The following EYS variants were observed in gnomAD, a reference collection of about 807,000 sequenced individuals.
EYS encodes EGF-like photoreceptor maintenance factor, also known as protein eyes shut homolog.
EYS carries 250 observed loss-of-function variants against 282.1 expected under a neutral mutation model. The observed-to-expected ratio is 0.89, with a 90% CI of 0.80 to 0.98. The LOEUF is 0.98. EYS is among the 50% of genes least tolerant of loss of function. The probability of loss-of-function intolerance (pLI) is 0.00; values close to 1 mark genes in which losing one functional copy is unlikely to be tolerated. For missense variants in EYS, 4,016 were observed against 3,709.0 expected, an observed-to-expected ratio of 1.08 and a Z score of -2.15; for synonymous variants, 1,355 against 1,282.9, an observed-to-expected ratio of 1.06 and a Z score of -1.20.
At chr6:64,822,851 G>T (rs1764941572) in intron 19 of EYS, 29 bp from the exon 20 acceptor site, 1 of 1,526,058 alleles carries the variant, frequency 6.6e-7, no homozygotes, top group Non-Finnish European at 8.8e-7. Flanking sequence ...GGCAAAACAT[G>T]AAACCATTTA....
Position 63,785,372 on chromosome 6 carries a change from A to G in EYS, c.7723+2733T>C, listed in dbSNP as rs191093603. The stretch of plus-strand genomic sequence containing the variant: ...CCTTATTCCTCCTTTCCCTTCTTCC[A>G]TATCTTCTTGTCTTCCTTCCTTCAT... On this transcript the variant is annotated intron_variant, in intron 39 of 42. Coordinates refer to ENST00000503581, the MANE Select transcript of EYS (RefSeq NM_001142800.2). Among the ~76,000 whole-genome samples the G allele has an allele frequency of 6.0e-4, 91 of 152,142 alleles. 1 individual carries two copies. The highest frequency in any genetic ancestry group is 2.1e-3 in the African/African-American group (87 of 41,502).
chr6:64,383,913 C>T (rs1190111267), intron 29 of EYS, among the ~76,000 whole-genome samples: 1 of 152,102 alleles, frequency 6.6e-6, no homozygotes, highest in Non-Finnish European at 1.5e-5. Flanking sequence ...ATATCATAAA[C>T]ACATTTAGTG....
intron 12 of EYS, among the ~76,000 whole-genome samples, chr6:65,274,797 G>A (rs1363787983): frequency 2.0e-5 from 3 of 152,022 alleles, no homozygotes; most frequent in Admixed American, 6.6e-5. Context: ...CAGAAAATCA[G>A]GGGACTTCTA....
intron 33 of EYS, among the ~76,000 whole-genome samples, chr6:64,045,910 T>TG (rs199884451): frequency 2.0e-5 from 3 of 147,006 alleles, no homozygotes; most frequent in Non-Finnish European, 3.0e-5. Flanking sequence ...TACATATATG[T>TG]TTATTATATA....
chr6:65,405,797 AT>A (rs1306454376), intron 5 of EYS, among the ~76,000 whole-genome samples: 6 of 152,092 alleles, frequency 3.9e-5, no homozygotes, highest in African/African-American at 1.4e-4. Context: ...CTAAAGAGTA[AT>A]TCACAATATA....
chr6:65,417,773 G>A (rs774012502), intron 5 of EYS, among the ~76,000 whole-genome samples: 1 of 151,926 alleles, frequency 6.6e-6, no homozygotes, highest in Non-Finnish European at 1.5e-5. Context: ...TATAAGCAAG[G>A]TGACTGAGGC....
intron 15 of EYS, among the ~76,000 whole-genome samples, chr6:64,915,695 T>C (rs1490278207): frequency 3.9e-5 from 6 of 152,316 alleles, no homozygotes; most frequent in Admixed American, 3.9e-4. Flanking sequence ...TAGTACTTCT[T>C]TTTAATGTTT....
chr6:63,758,312 CATT>C (rs1372214465), intron 41 of EYS, among the ~76,000 whole-genome samples: 1 of 152,132 alleles, frequency 6.6e-6, no homozygotes, highest in African/African-American at 2.4e-5. Context: ...ATATAGAAAA[CATT>C]ATCTTTTTAA....
At chr6:64,954,228 C>A (rs1045429443) in intron 14 of EYS, among the ~76,000 whole-genome samples, 1 of 151,078 alleles carries the variant, frequency 6.6e-6, no homozygotes, top group African/African-American at 2.4e-5. Context: ...CTTCATAAAC[C>A]ATTTGTGATC....
intron 30 of EYS, among the ~76,000 whole-genome samples, chr6:64,263,040 G>A (rs987039): frequency 0.67 from 101,570 of 151,560 alleles, 34,075 homozygotes; most frequent in South Asian, 0.71. Flanking sequence ...AAGCTTTCAT[G>A]ACCTCTCCTT....
intron 28 of EYS, among the ~76,000 whole-genome samples, chr6:64,421,102 T>A (rs1417403589): frequency 6.6e-6 from 1 of 152,156 alleles, no homozygotes; most frequent in Non-Finnish European, 1.5e-5. Flanking sequence ...AGACTGAGTA[T>A]TTATAAATGA....
chr6:64,064,273 T>C (rs2149854073), intron 33 of EYS, among the ~76,000 whole-genome samples: 1 of 152,274 alleles, frequency 6.6e-6, no homozygotes, highest in Non-Finnish European at 1.5e-5. Context: ...AGTAGCTTAG[T>C]ATAGTGCTAC....
chr6:65,583,278 G>T (rs746105299), intron 2 of EYS, among the ~76,000 whole-genome samples: 1 of 151,874 alleles, frequency 6.6e-6, no homozygotes, highest in Admixed American at 6.6e-5. Context: ...CTAATTTGCC[G>T]TAAGAAGAAT....
At chr6:64,598,615 A>T (rs1419944599) in intron 24 of EYS, among the ~76,000 whole-genome samples, 1 of 152,244 alleles carries the variant, frequency 6.6e-6, no homozygotes, top group Non-Finnish European at 1.5e-5. Flanking sequence ...GCTTTATGAG[A>T]ATATGGTCAT....
At chr6:65,224,743 A>T (rs577115395) in intron 12 of EYS, among the ~76,000 whole-genome samples, 7 of 152,304 alleles carry the variant, frequency 4.6e-5, no homozygotes, top group South Asian at 2.1e-4. Context: ...TTTAACAGAA[A>T]TAAAAGGATA....
intron 42 of EYS, among the ~76,000 whole-genome samples, chr6:63,725,167 G>A (rs975241986): frequency 1.3e-5 from 2 of 151,972 alleles, no homozygotes; most frequent in African/African-American, 4.8e-5. Context: ...AGCATCAATC[G>A]TGTGAAACTA....
Position 64,329,524 on chromosome 6 carries a change from A to G in EYS, c.6079-22442T>C, listed in dbSNP as rs938899033. ...TGGGAAAATGAGGCAATGTATAAGG[A>G]ATTATTTCTCAAGCTGCCAGGGGTC... On this transcript the variant is annotated intron_variant, in intron 29 of 42. Coordinates refer to ENST00000503581, the MANE Select transcript of EYS (RefSeq NM_001142800.2). Among the ~76,000 whole-genome samples the G allele has an allele frequency of 2.0e-5, 3 of 151,994 alleles. No homozygotes were observed. The East Asian group carries it at 5.8e-4, about 29-fold the overall frequency.
intron 36 of EYS, among the ~76,000 whole-genome samples, chr6:63,840,002 G>T (rs1771910412): frequency 2.0e-5 from 3 of 147,384 alleles, no homozygotes; most frequent in African/African-American, 7.4e-5. Flanking sequence ...TTGGGCATTT[G>T]TATATCTTCT....
At chr6:64,389,992 G>C (rs602650) in intron 28 of EYS, among the ~76,000 whole-genome samples, 1 of 147,608 alleles carries the variant, frequency 6.8e-6, no homozygotes, top group East Asian at 2.0e-4. Flanking sequence ...TTCCCTTTCC[G>C]AGTCAAAGAA....
Sources: gnomAD v4.1 joint callset for allele counts (sites outside exome capture counted in the v4.1 genomes callset) on GRCh38, gnomAD v4.1.1 for gene constraint, MANE v1.5 for transcripts, NCBI Gene and HGNC (gene_info 2026-07-23, HGNC 2026-07-21) for gene names.